Variants in DAAM1 observed in about 807,000 individuals in gnomAD.
DAAM1 encodes disheveled-associated activator of morphogenesis 1.
DAAM1 carries 52 observed loss-of-function variants against 130.0 expected under a neutral mutation model. The observed-to-expected ratio is 0.40, with a 90% CI of 0.32 to 0.50. The LOEUF is 0.50. Among genes scored for constraint, DAAM1 ranks in the 20% least tolerant of loss-of-function variants. The pLI, the probability that DAAM1 is intolerant of heterozygous loss-of-function variation, is 0.61. For synonymous variants in DAAM1, 452 were observed against 444.5 expected, an observed-to-expected ratio of 1.02 and a Z score of -0.21; for missense variants, 1,134 against 1,303.8, an observed-to-expected ratio of 0.87 and a Z score of 2.01.
chr14:59,350,498 C>T (rs979145778), intron 17 of DAAM1, among the ~76,000 whole-genome samples: 18 of 152,022 alleles, frequency 1.2e-4, no homozygotes, highest in Non-Finnish European at 1.9e-4. Flanking sequence ...GCACATGCCC[C>T]TCTCAAGACT....
chr14:59,232,307 A>G (rs1889133168), intron 1 of DAAM1, among the ~76,000 whole-genome samples: 1 of 152,188 alleles, frequency 6.6e-6, no homozygotes, highest in African/African-American at 2.4e-5. Context: ...TCCTAAATGT[A>G]TACTGGTCAC....
intron 17 of DAAM1, among the ~76,000 whole-genome samples, chr14:59,350,825 G>A (rs918061928): frequency 1.1e-4 from 16 of 151,976 alleles, no homozygotes; most frequent in African/African-American, 3.1e-4. Context: ...TTGTCCTGGC[G>A]CCTTGAATGC....
intron 1 of DAAM1, among the ~76,000 whole-genome samples, chr14:59,207,554 A>T (rs1008733014): frequency 5.3e-5 from 8 of 152,222 alleles, no homozygotes; most frequent in Non-Finnish European, 1.2e-4. Flanking sequence ...ATTTCATGTT[A>T]TGTGAATGAT....
Position 59,238,104 on chromosome 14 carries a change from C to A in DAAM1, c.-37-25337C>A, listed in dbSNP as rs547380108. On this transcript the variant is annotated intron_variant, in intron 1 of 24. Transcript: ENST00000360909. ...ATGTTTTTTTAAAATGAGATGTCTT[C>A]ATGACCTTGTAAATGAGAGAAAGTT... Among the ~76,000 whole-genome samples the A allele has an allele frequency of 3.9e-5, 6 of 152,210 alleles. No homozygotes were observed. In the South Asian group the frequency reaches 1.2e-3, roughly 32 times the overall value.
At chr14:59,310,378 C>A (rs186984370) in intron 3 of DAAM1, among the ~76,000 whole-genome samples, 1 of 152,012 alleles carries the variant, frequency 6.6e-6, no homozygotes, top group African/African-American at 2.4e-5. Flanking sequence ...AGTGATCCAC[C>A]CACCTCAGTC....
chr14:59,262,349 A>G (rs1882204553), intron 1 of DAAM1, among the ~76,000 whole-genome samples: 1 of 152,188 alleles, frequency 6.6e-6, no homozygotes, highest in East Asian at 1.9e-4. Context: ...TTTTCAATAG[A>G]CAGTATCAAC....
intron 16 of DAAM1, among the ~76,000 whole-genome samples, chr14:59,343,828 A>G (rs1018017015): frequency 1.3e-5 from 2 of 152,148 alleles, no homozygotes; most frequent in African/African-American, 4.8e-5. Context: ...CGAAGCTCTC[A>G]GAAAGAGATG....
chr14:59,369,911 A>T lies in DAAM1; in HGVS notation c.*1052A>T, dbSNP rs188867818. On this transcript the variant is annotated 3_prime_UTR_variant, in exon 25 of 25. Transcript: ENST00000360909. ...TGTCAACATCAGCAGAGATGCCCAG[A>T]TCTATTTATCTCTAAGTATATTTGA... 6.6e-6 allele frequency: 1 copy of T among 151,990 alleles called. No individual in the cohort carries two copies. The highest frequency in any genetic ancestry group is 6.6e-5 in the Admixed American group (1 of 15,264). 9.4% of individuals were successfully genotyped at this position (151,990 alleles called of 1,614,324 possible).
intron 1 of DAAM1, among the ~76,000 whole-genome samples, chr14:59,253,398 C>T (rs1022033642): frequency 6.6e-6 from 1 of 152,110 alleles, no homozygotes; most frequent in Non-Finnish European, 1.5e-5. Context: ...TAATTTTAAC[C>T]AAGAATCTTT....
intron 5 of DAAM1, 22 bp downstream of exon 5, chr14:59,320,606 T>A: frequency 6.9e-7 from 1 of 1,458,444 alleles, no homozygotes; most frequent in Non-Finnish European, 9.2e-7. Context: ...CTGGATGGCA[T>A]GTTTTTTTTT....
chr14:59,244,116 G>A (rs1190993672), intron 1 of DAAM1, among the ~76,000 whole-genome samples: 1 of 152,102 alleles, frequency 6.6e-6, no homozygotes, highest in Non-Finnish European at 1.5e-5. Flanking sequence ...AATCATGGGG[G>A]TGATTTCCGC....
chr14:59,253,262 G>A, intron 1 of DAAM1, among the ~76,000 whole-genome samples: 1 of 152,210 alleles, frequency 6.6e-6, no homozygotes, highest in Middle Eastern at 3.2e-3. Flanking sequence ...GCTGTTATTT[G>A]AACTTGTGTT....
At chr14:59,324,808 A>G (rs1030895124) in intron 8 of DAAM1, among the ~76,000 whole-genome samples, 3 of 152,146 alleles carry the variant, frequency 2.0e-5, no homozygotes, top group African/African-American at 4.8e-5. Context: ...AATGACAGTG[A>G]TTTTCCAGGA....
intron 1 of DAAM1, among the ~76,000 whole-genome samples, chr14:59,201,832 A>T (rs891087542): frequency 6.6e-6 from 1 of 151,516 alleles, no homozygotes; most frequent in Non-Finnish European, 1.5e-5. Flanking sequence ...TTTTGGTGTG[A>T]CTGTTTAAAA....
chr14:59,210,969 C>A (rs755547284), intron 1 of DAAM1, among the ~76,000 whole-genome samples: 31 of 148,052 alleles, frequency 2.1e-4, no homozygotes, highest in African/African-American at 7.0e-4. Flanking sequence ...GATCCAAATG[C>A]TTGTCTAAAA....
Position 59,263,542 on chromosome 14 carries a change from A to G in DAAM1, c.65A>G (p.Asp22Gly). The change falls in exon 2 of 25, where the codon GAT becomes GGT. Residue 22 changes from aspartate to glycine, a missense_variant. Asp to Gly is a moderately conservative substitution (Grantham distance 94). Around this residue, in one of 3 missense-constraint regions of DAAM1, gnomAD observed 99 missense variants for 86.4 expected, o/e 1.15. Transcript: ENST00000360909. ...ATCTTTTGCTGTTTCCGAAATAATGATCACCCAGAAATCACGTATCGGCTG... is the reference window on the plus strand; with the variant it reads ...ATCTTTTGCTGTTTCCGAAATAATGGTCACCCAGAAATCACGTATCGGCTG... Reference protein sequence around the residue: ...SFIFCCFRNNDHPEITYRLRN... With the variant: ...SFIFCCFRNNGHPEITYRLRN... 1 of 1,614,226 alleles carries G rather than the reference A, an allele frequency of 6.2e-7. No homozygotes were observed. Among genetic ancestry groups the G allele is most frequent in the Non-Finnish European group, 8.5e-7 (1 of 1,180,036 alleles).
At chr14:59,252,600 C>A (rs555911688) in intron 1 of DAAM1, among the ~76,000 whole-genome samples, 1 of 152,264 alleles carries the variant, frequency 6.6e-6, no homozygotes, top group Non-Finnish European at 1.5e-5. Context: ...CAGTCTCATG[C>A]CAGGAATTTA....
intron 23 of DAAM1, among the ~76,000 whole-genome samples, chr14:59,365,001 TATCCCACCTGAGCA>T (rs1034665894): frequency 1.3e-5 from 2 of 152,228 alleles, no homozygotes; most frequent in African/African-American, 2.4e-5. Context: ...CCTGTTCTGA[TATCCCACCTGAGCA>T]ATATAGCACC....
intron 1 of DAAM1, among the ~76,000 whole-genome samples, chr14:59,232,504 A>C (rs1889140497): frequency 6.6e-6 from 1 of 152,184 alleles, no homozygotes; most frequent in Non-Finnish European, 1.5e-5. Context: ...CAACATGTTG[A>C]AATTCTGTAC....
Sources: allele counts gnomAD v4.1 joint callset (sites outside exome capture counted in the v4.1 genomes callset), GRCh38; gene constraint gnomAD v4.1.1; regional missense constraint gnomAD v4.1.1; transcripts MANE v1.5; gene names NCBI Gene and HGNC (gene_info 2026-07-23, HGNC 2026-07-21).